DYNC1H1: variants seen among roughly 807,000 people sequenced by gnomAD.
The protein encoded by DYNC1H1 is dynein cytoplasmic 1 heavy chain 1, also known as cytoplasmic dynein 1 heavy chain 1.
In DYNC1H1, 51 loss-of-function variants were observed where a neutral mutation model predicts 527.1. The ratio of observed to expected loss-of-function variants is 0.10; its 90% CI spans 0.08 to 0.12. The LOEUF (loss-of-function observed/expected upper bound fraction) is 0.12. Among genes scored for constraint, DYNC1H1 ranks in the 10% least tolerant of loss-of-function variants. The pLI, the probability that DYNC1H1 is intolerant of heterozygous loss-of-function variation, is 1.00. For synonymous variants in DYNC1H1, 2,189 were observed against 2,278.8 expected (o/e 0.96, Z 1.12); for missense variants, 2,771 against 5,971.8 (o/e 0.46, Z 17.66).
chr14:102,039,835 A>ATTTTC lies in DYNC1H1; in HGVS notation c.11690+107_11690+111dup. On this transcript the variant is annotated intron_variant, in intron 62 of 77. Coordinates refer to ENST00000360184, the MANE Select transcript of DYNC1H1 (RefSeq NM_001376.5). The surrounding 1 kb of genome is among the most constrained non-coding windows in gnomAD (Gnocchi z 7.0). ...TATTATTTCTTTTATTTTCTCTTTT[A>ATTTTC]TTTTCTTTATTTTATTTTTTGAGAC... The ATTTTC allele has an allele frequency of 1.0e-6, 1 of 958,530 alleles. No individual in the cohort carries two copies. The highest frequency in any genetic ancestry group is 1.4e-6 in the Non-Finnish European group (1 of 723,144). 59.4% of individuals were successfully genotyped at this position (958,530 alleles called of 1,614,324 possible). A position where few individuals can be genotyped will look rare whatever the true frequency, so the allele number is the denominator to read the frequency against.
chr14:102,020,124 T>TG lies in DYNC1H1; in HGVS notation c.8507+72dup. The TG allele has an allele frequency of 1.3e-6, 2 of 1,583,874 alleles. No individual in the cohort carries two copies. Among genetic ancestry groups the TG allele is most frequent in the Non-Finnish European group, 1.7e-6 (2 of 1,164,178 alleles). On this transcript the variant is annotated intron_variant, in intron 42 of 77. Coordinates refer to ENST00000360184, the MANE Select transcript of DYNC1H1 (RefSeq NM_001376.5). This position sits in a 1 kb window ranked among gnomAD's most constrained non-coding sequence, Gnocchi z 4.3. ...TCTGAGTTCTTACAGCTGTCGAAGC[T>TG]GGGGTCTTTGCAGGGGTGGTCTGCC...
chr14:101,976,058 C>G (rs1239385178), intron 2 of DYNC1H1, among the ~76,000 whole-genome samples: 1 of 151,628 alleles, frequency 6.6e-6, no homozygotes, highest in Non-Finnish European at 1.5e-5. Flanking sequence ...CAGACATGCA[C>G]CGCCACGCCT....
chr14:101,973,761 G>A (rs2047766935), intron 1 of DYNC1H1, among the ~76,000 whole-genome samples: 1 of 152,186 alleles, frequency 6.6e-6, no homozygotes, highest in Non-Finnish European at 1.5e-5. Context: ...GTGTGATGAA[G>A]CCACTGCGTT....
chr14:101,977,729 T>A (rs1449615487), intron 2 of DYNC1H1, among the ~76,000 whole-genome samples: 6 of 152,234 alleles, frequency 3.9e-5, no homozygotes, highest in Non-Finnish European at 8.8e-5. Flanking sequence ...CTGACTTGTT[T>A]GACATTTGCA....
intron 34 of DYNC1H1, 114 bp from the exon 35 acceptor site, chr14:102,014,991 T>C (rs1345569738): frequency 4.8e-6 from 6 of 1,239,914 alleles, no homozygotes; most frequent in South Asian, 2.6e-5. Flanking sequence ...ACTTTCTGTA[T>C]AGGAAAATTA....
Position 101,997,129 on chromosome 14 carries a change from C to T in DYNC1H1, c.3659C>T (p.Ala1220Val). 6.2e-7 allele frequency: 1 copy of T among 1,614,176 alleles called. No homozygotes were observed. The highest frequency in any genetic ancestry group is 8.5e-7 in the Non-Finnish European group (1 of 1,180,034). ...YIDNIEGEWG[A>V]FNDIMRRKDS... Reference sequence around the variant, plus strand: ...GACAACATCGAGGGAGAGTGGGGAGCCTTCAATGACATCATGCGGCGAAAG... The same window carrying T: ...GACAACATCGAGGGAGAGTGGGGAGTCTTCAATGACATCATGCGGCGAAAG... Residue 1220 changes from alanine to valine, a missense_variant, in exon 16 of 78, where the codon GCC becomes GTC. Physicochemically the swap from Ala to Val is moderately conservative, Grantham distance 64. Transcript: ENST00000360184. This position sits in a 1 kb window ranked among gnomAD's most constrained non-coding sequence, Gnocchi z 4.8.
At chr14:101,973,195 A>G (rs1209574898) in intron 1 of DYNC1H1, among the ~76,000 whole-genome samples, 1 of 146,426 alleles carries the variant, frequency 6.8e-6, no homozygotes, top group Non-Finnish European at 1.5e-5. Flanking sequence ...CGATAGATAC[A>G]CTAATTTTTT....
chr14:102,018,647 T>C lies in DYNC1H1; in HGVS notation c.8343+31T>C. ...CAGAGTTTCTTTGCTCTTCCAGAAA[T>C]TGTTTTCCTCTCATAATTAAGGCAC... On this transcript the variant is annotated intron_variant, in intron 41 of 77. Coordinates refer to ENST00000360184, the MANE Select transcript of DYNC1H1 (RefSeq NM_001376.5). This position sits in a 1 kb window ranked among gnomAD's most constrained non-coding sequence, Gnocchi z 5.2. The C allele has an allele frequency of 6.2e-7, 1 of 1,611,186 alleles. No individual in the cohort carries two copies. Among genetic ancestry groups the C allele is most frequent in the Middle Eastern group, 1.6e-4 (1 of 6,062 alleles).
In DYNC1H1 at chr14:102,026,702, T is replaced by A; in HGVS notation, c.8766T>A (p.Ile2922=). The change falls in exon 44 of 78, where the codon ATT becomes ATA. Residue 2922 remains isoleucine, a synonymous_variant. Transcript: ENST00000360184. Reference sequence around the variant, plus strand: ...AAGTCCTAGACCACGTGCTGAGGATTGACAGGTGGGCTTTTTTGTTGTTAC... The same window carrying A: ...AAGTCCTAGACCACGTGCTGAGGATAGACAGGTGGGCTTTTTTGTTGTTAC... ...FNEVLDHVLR[I]DRIFRQPQGH... 1 of 1,614,050 alleles carries A rather than the reference T, an allele frequency of 6.2e-7. No homozygotes were observed. The highest frequency in any genetic ancestry group is 8.5e-7 in the Non-Finnish European group (1 of 1,179,990).
chr14:101,984,216 C>T (rs1374934214), intron 7 of DYNC1H1, among the ~76,000 whole-genome samples: 1 of 150,992 alleles, frequency 6.6e-6, no homozygotes, highest in Non-Finnish European at 1.5e-5. Context: ...TCTCGAACTC[C>T]TGAGCTCAAA....
chr14:101,999,883 C>T lies in DYNC1H1; in HGVS notation c.3805-106C>T, dbSNP rs534041664. The T allele has an allele frequency of 1.8e-3, 2,715 of 1,526,772 alleles. 7 individuals carry two copies. The highest frequency in any genetic ancestry group is 2.5e-3 in the South Asian group (220 of 86,906). 94.6% of individuals were successfully genotyped at this position (1,526,772 alleles called of 1,614,324 possible). On this transcript the variant is annotated intron_variant, in intron 16 of 77. Coordinates refer to ENST00000360184, the MANE Select transcript of DYNC1H1 (RefSeq NM_001376.5). Reference sequence around the variant, plus strand: ...CTTATGAAGATGTGTGCAAAGAATCCGAAACGTCCAGAAGCCCTGCAGGCT... The same window carrying T: ...CTTATGAAGATGTGTGCAAAGAATCTGAAACGTCCAGAAGCCCTGCAGGCT...
Position 102,005,188 on chromosome 14 carries a change from T to C in DYNC1H1, c.5385T>C (p.Ser1795=). 1 of 1,614,222 alleles carries C rather than the reference T, an allele frequency of 6.2e-7. No individual in the cohort carries two copies. Among genetic ancestry groups the C allele is most frequent in the Non-Finnish European group, 8.5e-7 (1 of 1,180,028 alleles). The change falls in exon 26 of 78, where the codon TCT becomes TCC. Residue 1795 remains serine (S), a synonymous_variant. Transcript: ENST00000360184. This position sits in a 1 kb window ranked among gnomAD's most constrained non-coding sequence, Gnocchi z 4.0. ...VEVTLNVLAD[S]VLMEQPPLRR... is the part of the protein sequence containing the mutation. ...TCACCCTCAATGTGTTAGCAGACTC[T>C]GTCCTCATGGAGCAGCCCCCACTCC...
chr14:102,047,575 A>G (rs2048736477), intron 72 of DYNC1H1: 1 of 314,088 alleles, frequency 3.2e-6, no homozygotes, highest in Non-Finnish European at 5.8e-6. Context: ...ATATATATAT[A>G]CATACACATA....
chr14:101,991,079 G>A (rs2047993014), intron 10 of DYNC1H1, among the ~76,000 whole-genome samples: 1 of 151,924 alleles, frequency 6.6e-6, no homozygotes, highest in Non-Finnish European at 1.5e-5. Context: ...GCTACTTGAG[G>A]GGCTGAGGCG....
rs751340855 is a variant in DYNC1H1, at chr14:102,039,766, A to T, written c.11690+34A>T. 1 of 1,609,110 alleles carries T rather than the reference A, an allele frequency of 6.2e-7. No individual in the cohort carries two copies. Reference sequence around the variant, plus strand: ...ACTCACGCCCACAGGAGGATGCCATATTGCTGGTGGCCCCCAAGGGTTTCA... The same window carrying T: ...ACTCACGCCCACAGGAGGATGCCATTTTGCTGGTGGCCCCCAAGGGTTTCA... On this transcript the variant is annotated intron_variant, in intron 62 of 77. Transcript: ENST00000360184. This position sits in a 1 kb window ranked among gnomAD's most constrained non-coding sequence, Gnocchi z 7.0.
In DYNC1H1 at chr14:102,015,975, C is replaced by G. The variant is rs2048316099; in HGVS notation, c.7362C>G (p.Cys2454Trp). The stretch of plus-strand genomic sequence containing the variant: ...TCATGGACCTAACACGCCTGCGCTG[C>G]CTGGGCTCGCTCTTCTCCATGCTGC... ...EHIMDLTRLRCLGSLFSMLHQ... is the reference protein window; with the variant it reads ...EHIMDLTRLRWLGSLFSMLHQ... Residue 2454 changes from cysteine to tryptophan, a missense_variant, in exon 36 of 78, where the codon TGC becomes TGG. By Grantham distance (215) the Cys-to-Trp change is radical. Around this residue, in one of 32 missense-constraint regions of DYNC1H1, gnomAD observed 122 missense variants for 168.4 expected, o/e 0.72. Coordinates refer to ENST00000360184, the MANE Select transcript of DYNC1H1 (RefSeq NM_001376.5). The surrounding 1 kb of genome is among the most constrained non-coding windows in gnomAD (Gnocchi z 6.9). 6.2e-7 allele frequency: 1 copy of G among 1,613,964 alleles called. No homozygotes were observed. Among genetic ancestry groups the G allele is most frequent in the Non-Finnish European group, 8.5e-7 (1 of 1,180,036 alleles).
At chr14:101,991,002 C>G (rs1465152902) in intron 10 of DYNC1H1, among the ~76,000 whole-genome samples, 1 of 143,978 alleles carries the variant, frequency 6.9e-6, no homozygotes, top group Admixed American at 6.9e-5. Flanking sequence ...AGTGAGACTC[C>G]GTCTCAAAAA....
intron 34 of DYNC1H1, among the ~76,000 whole-genome samples, chr14:102,013,746 T>C (rs2048287756): frequency 6.6e-6 from 1 of 152,070 alleles, no homozygotes; most frequent in African/African-American, 2.4e-5. Flanking sequence ...GGCTGCCGTT[T>C]GGAGAATGAA....
chr14:101,983,904 G>A lies in DYNC1H1; in HGVS notation c.1461+295G>A, dbSNP rs1034484006. 2.6e-5 allele frequency among the ~76,000 whole-genome samples: 4 copies of A among 151,982 alleles called. No homozygotes were observed. Among genetic ancestry groups the A allele is most frequent in the Non-Finnish European group, 5.9e-5 (4 of 67,986 alleles). ...ATGTTGGCCAGGCTGGTTTTGAACT[G>A]GCCTTCAAGTGTTCCACCTGCCTCG... On this transcript the variant is annotated intron_variant, in intron 7 of 77. Transcript: ENST00000360184. The surrounding 1 kb of genome is among the most constrained non-coding windows in gnomAD (Gnocchi z 5.3).
Sources: allele counts gnomAD v4.1 joint callset (sites outside exome capture counted in the v4.1 genomes callset), GRCh38; gene constraint gnomAD v4.1.1; regional missense constraint gnomAD v4.1.1; non-coding constraint Gnocchi (gnomAD v3.1); transcripts MANE v1.5; gene names NCBI Gene and HGNC (gene_info 2026-07-23, HGNC 2026-07-21).